The following AGMO variants were observed in gnomAD, a reference collection of about 807,000 sequenced individuals.
The protein encoded by AGMO is alkylglycerol monooxygenase.
In AGMO, 75 loss-of-function variants were observed where a neutral mutation model predicts 60.2. The observed-to-expected ratio is 1.25, with a 90% CI of 1.03 to 1.51. The LOEUF (loss-of-function observed/expected upper bound fraction) is 1.51. AGMO is among the 40% of genes most tolerant of loss of function. The pLI, the probability that AGMO is intolerant of heterozygous loss-of-function variation, is 0.00. For missense variants in AGMO, 763 were observed against 525.5 expected, an observed-to-expected ratio of 1.45 and a Z score of -4.42; for synonymous variants, 261 against 177.1, an observed-to-expected ratio of 1.47 and a Z score of -3.76.
chr7:15,231,693 G>A (rs1014182151), intron 12 of AGMO, among the ~76,000 whole-genome samples: 2 of 152,120 alleles, frequency 1.3e-5, no homozygotes, highest in East Asian at 1.9e-4. Context: ...GATCTTCTAG[G>A]CATTACTAAA....
intron 3 of AGMO, among the ~76,000 whole-genome samples, chr7:15,475,127 A>T (rs1782559965): frequency 6.6e-6 from 1 of 152,196 alleles, no homozygotes; most frequent in African/African-American, 2.4e-5. Flanking sequence ...TGTGGAAGAC[A>T]GCGTGGCAAT....
At chr7:15,357,250 C>T (rs962830406) in intron 12 of AGMO, among the ~76,000 whole-genome samples, 8 of 141,426 alleles carry the variant, frequency 5.7e-5, no homozygotes, top group Admixed American at 2.9e-4. Flanking sequence ...CCCAAAAGTA[C>T]GTATATAGCA....
At position 15,474,577 on chromosome 7, in the gene AGMO, C is replaced by T. The variant is rs560779107; in HGVS notation, c.410-43469G>A. ...TGGATTAAAGACTTAAACGTAAAAC[C>T]CAAAATGATAAAAGACCTAGAATAA... is the stretch of plus-strand genomic sequence containing the variant. On this transcript the variant is annotated intron_variant, in intron 3 of 12. Transcript: ENST00000342526. Among the ~76,000 whole-genome samples, 10 of 152,124 alleles carry T rather than the reference C, an allele frequency of 6.6e-5. No homozygotes were observed. In the East Asian group the frequency reaches 1.9e-3, roughly 29 times the overall value.
chr7:15,322,555 T>TAAATATATAAATATATATAAATATATAA (rs1781166598), intron 12 of AGMO, among the ~76,000 whole-genome samples: 1 of 55,738 alleles, frequency 1.8e-5, no homozygotes, highest in Non-Finnish European at 2.9e-5. Flanking sequence ...TAAATATATA[T>TAAATATATAAATATATATAAATATATAA]AAATATATAA....
Position 15,311,133 on chromosome 7 carries a change from C to T in AGMO, c.1263+54381G>A, listed in dbSNP as rs188711252. Among the ~76,000 whole-genome samples, 353 of 152,052 alleles carry T rather than the reference C, an allele frequency of 2.3e-3. 1 individual carries two copies. The highest frequency in any genetic ancestry group is 4.0e-3 in the Non-Finnish European group (273 of 67,988). Reference sequence around the variant, plus strand: ...GGGGACCGTTATTCTGCTTCCAACACAAGGTGAACAACTCTGCTACTAAAA... The same window carrying T: ...GGGGACCGTTATTCTGCTTCCAACATAAGGTGAACAACTCTGCTACTAAAA... On this transcript the variant is annotated intron_variant, in intron 12 of 12. Coordinates refer to ENST00000342526, the MANE Select transcript of AGMO (RefSeq NM_001004320.2).
intron 3 of AGMO, among the ~76,000 whole-genome samples, chr7:15,481,480 A>C (rs748286422): frequency 3.0e-4 from 45 of 152,162 alleles, no homozygotes; most frequent in Non-Finnish European, 4.3e-4. Context: ...TAATGATAAA[A>C]AGATCAGTCC....
intron 12 of AGMO, among the ~76,000 whole-genome samples, chr7:15,250,431 A>T (rs529707731): frequency 6.6e-6 from 1 of 152,256 alleles, no homozygotes; most frequent in South Asian, 2.1e-4. Context: ...ACTAGGTAGA[A>T]CCAGAGTCTG....
At chr7:15,184,389 AAGAGAGGGAGGAAGAAAGGGAAG>A in the AGMO span, among the ~76,000 whole-genome samples, 4 of 101,702 alleles carry the variant, frequency 3.9e-5, no homozygotes, top group African/African-American at 1.3e-4. Flanking sequence ...GGAAGGAAAG[AAGAGAGGGAGGAAGAAAGGGAAG>A]GAAGGAAGGA....
At chr7:15,229,258 C>G (rs530846285) in intron 12 of AGMO, among the ~76,000 whole-genome samples, 1 of 152,090 alleles carries the variant, frequency 6.6e-6, no homozygotes, top group East Asian at 1.9e-4. Flanking sequence ...TTTATCATGT[C>G]TATAACCAGA....
At chr7:15,321,063 A>G (rs1279602870) in intron 12 of AGMO, among the ~76,000 whole-genome samples, 2 of 152,092 alleles carry the variant, frequency 1.3e-5, no homozygotes, top group Non-Finnish European at 2.9e-5. Flanking sequence ...TTCATACAAT[A>G]TTTTTGTTTG....
chr7:15,425,041 A>G (rs1781022376), intron 4 of AGMO, among the ~76,000 whole-genome samples: 2 of 152,226 alleles, frequency 1.3e-5, no homozygotes, highest in South Asian at 4.1e-4. Flanking sequence ...TATAAAAATA[A>G]TATCACACAT....
At chr7:15,392,824 A>C (rs1326164066) in intron 6 of AGMO, among the ~76,000 whole-genome samples, 1 of 148,446 alleles carries the variant, frequency 6.7e-6, no homozygotes, top group Non-Finnish European at 1.5e-5. Context: ...ACAAACAAAC[A>C]AACAAACAAC....
chr7:15,525,716 C>T (rs1784111653), intron 3 of AGMO, among the ~76,000 whole-genome samples: 2 of 152,086 alleles, frequency 1.3e-5, no homozygotes, highest in African/African-American at 2.4e-5. Flanking sequence ...GGTAGCCGCC[C>T]CACTTGATGA....
chr7:15,286,489 T>C lies in AGMO; in HGVS notation c.1263+79025A>G, dbSNP rs575561750. ...ATCAAAAAATGCTGAACATCACTAA[T>C]CATCAAGAAAATTCAAATTAAAACC... is the stretch of plus-strand genomic sequence containing the variant. On this transcript the variant is annotated intron_variant, in intron 12 of 12. Transcript: ENST00000342526. Among the ~76,000 whole-genome samples the C allele has an allele frequency of 3.3e-5, 5 of 152,096 alleles. No homozygotes were observed. In the South Asian group the frequency reaches 1.0e-3, roughly 32 times the overall value.
rs138002259 is a variant in AGMO at position 15,464,543 on chromosome 7, C to A, written c.410-33435G>T. Reference sequence around the variant, plus strand: ...CTCTATTATTACACTTCCTCCACAACCCATGAAGACACTGGCCACATTAGT... The same window carrying A: ...CTCTATTATTACACTTCCTCCACAAACCATGAAGACACTGGCCACATTAGT... On this transcript the variant is annotated intron_variant, in intron 3 of 12. Transcript: ENST00000342526. Among the ~76,000 whole-genome samples, 15 of 152,246 alleles carry A rather than the reference C, an allele frequency of 9.9e-5. No homozygotes were observed. In the East Asian group the frequency reaches 2.7e-3, roughly 27 times the overall value.
At chr7:15,316,655 G>A (rs192562848) in intron 12 of AGMO, among the ~76,000 whole-genome samples, 27 of 152,098 alleles carry the variant, frequency 1.8e-4, no homozygotes, top group African/African-American at 5.5e-4. Context: ...CTAAGCAGAG[G>A]GGATAATAAT....
At chr7:15,329,778 G>A (rs1299246020) in intron 12 of AGMO, among the ~76,000 whole-genome samples, 1 of 152,056 alleles carries the variant, frequency 6.6e-6, no homozygotes, top group Non-Finnish European at 1.5e-5. Context: ...GGATGTCTTC[G>A]GAATTCAAAA....
intron 2 of AGMO, among the ~76,000 whole-genome samples, chr7:15,557,177 A>G (rs2115310242): frequency 6.6e-6 from 1 of 152,180 alleles, no homozygotes; most frequent in African/African-American, 2.4e-5. Flanking sequence ...GTCTGCACAC[A>G]ACATTTCTAT....
At chr7:15,275,267 T>A (rs1783746485) in intron 12 of AGMO, among the ~76,000 whole-genome samples, 1 of 152,076 alleles carries the variant, frequency 6.6e-6, no homozygotes, top group African/African-American at 2.4e-5. Context: ...CATTCAAGAT[T>A]TTTTTGAATT....
Sources: gnomAD v4.1 joint callset for allele counts (sites outside exome capture counted in the v4.1 genomes callset) on GRCh38, gnomAD v4.1.1 for gene constraint, MANE v1.5 for transcripts, NCBI Gene and HGNC (gene_info 2026-07-23, HGNC 2026-07-21) for gene names.